DCAF5: variants seen among roughly 807,000 people sequenced by gnomAD.
DCAF5 encodes the protein DDB1- and CUL4-associated factor 5.
In DCAF5, 9 loss-of-function variants were observed where a neutral mutation model predicts 80.7. That is an observed-to-expected ratio of 0.11 (90% CI 0.07 to 0.19). The LOEUF is 0.19. Among genes scored for constraint, DCAF5 ranks in the 10% least tolerant of loss-of-function variants. The pLI, the probability that DCAF5 is intolerant of heterozygous loss-of-function variation, is 1.00. For missense variants in DCAF5, 842 were observed against 1,205.7 expected (o/e 0.70, Z 4.47); for synonymous variants, 433 against 461.9 (o/e 0.94, Z 0.80).
rs996463777 is a variant in DCAF5 at position 69,054,364 on chromosome 14, A to G, written c.2322T>C (p.Pro774=). Residue 774 remains proline, a synonymous_variant, in exon 9 of 9, where the codon CCT becomes CCC. Transcript: ENST00000341516. The part of the protein sequence containing the change: ...DTGNSGSVEH[P]FETKKLNGKA... Reference sequence around the variant, plus strand: ...TTCCATTGAGCTTCTTGGTTTCAAAAGGGTGCTCTACAGAGCCGCTATTGC... The same window carrying G: ...TTCCATTGAGCTTCTTGGTTTCAAAGGGGTGCTCTACAGAGCCGCTATTGC... 4 of 1,614,120 alleles carry G rather than the reference A, an allele frequency of 2.5e-6. No individual in the cohort carries two copies. Among genetic ancestry groups the G allele is most frequent in the Non-Finnish European group, 2.5e-6 (3 of 1,180,028 alleles).
At position 69,152,927 on chromosome 14, in the gene DCAF5, A is replaced by T. The variant is rs1219416377; in HGVS notation, c.52T>A (p.Leu18Met). 6.2e-7 allele frequency: 1 copy of T among 1,613,564 alleles called. No individual in the cohort carries two copies. The highest frequency in any genetic ancestry group is 1.1e-5 in the South Asian group (1 of 91,052). ...TCCCCATGCAAGCCCCGCTGGGACA[A>T]GAAGCCCACCACTGACCTCATGCTG... ...GGSMRSVVGF[L>M]SQRGLHGDPL... The change falls in exon 1 of 9, where the codon TTG becomes ATG. Residue 18 changes from leucine (L) to methionine (M), a missense_variant. Physicochemically the swap from Leu to Met is conservative, Grantham distance 15. Coordinates refer to ENST00000341516, the MANE Select transcript of DCAF5 (RefSeq NM_003861.3). The surrounding 1 kb of genome is among the most constrained non-coding windows in gnomAD (Gnocchi z 4.1).
intron 1 of DCAF5, chr14:69,143,917 T>C (rs1358025297): frequency 5.9e-5 from 9 of 152,428 alleles, no homozygotes; most frequent in Admixed American, 1.3e-4. Context: ...CTGGTTGTGA[T>C]CAATTAGTTG....
rs533499633 is a variant in DCAF5, at chr14:69,098,105, A to G, written c.666-6218T>C. Among the ~76,000 whole-genome samples the G allele has an allele frequency of 2.2e-4, 34 of 151,166 alleles. 1 individual carries two copies. The South Asian group carries it at 6.7e-3, about 30-fold the overall frequency. Reference sequence around the variant, plus strand: ...AGCAAGGCCCTAGACAATACCCCCTACCCTCATCCTTTATGTCTGTGACCC... The same window carrying G: ...AGCAAGGCCCTAGACAATACCCCCTGCCCTCATCCTTTATGTCTGTGACCC... On this transcript the variant is annotated intron_variant, in intron 5 of 8. Transcript: ENST00000341516.
intron 7 of DCAF5, among the ~76,000 whole-genome samples, chr14:69,064,959 T>A (rs988963133): frequency 6.6e-6 from 1 of 152,170 alleles, no homozygotes; most frequent in African/African-American, 2.4e-5. Flanking sequence ...CTAAAGTGCA[T>A]CAACCAAACC....
At chr14:69,077,927 G>C (rs2038962386) in intron 6 of DCAF5, among the ~76,000 whole-genome samples, 1 of 152,212 alleles carries the variant, frequency 6.6e-6, no homozygotes, top group South Asian at 2.1e-4. Context: ...AGTGGAAAAA[G>C]CAGTGGGCTC....
At chr14:69,140,460 T>G (rs891598685) in intron 1 of DCAF5, among the ~76,000 whole-genome samples, 2 of 152,196 alleles carry the variant, frequency 1.3e-5, no homozygotes, top group African/African-American at 4.8e-5. Flanking sequence ...ATTTAATTCT[T>G]ATTTATCATT....
intron 5 of DCAF5, 148 bp downstream of exon 5, chr14:69,116,217 TC>T (rs1046791634): frequency 3.3e-6 from 3 of 907,342 alleles, no homozygotes; most frequent in Middle Eastern, 3.2e-4. Context: ...GGAAACAAGC[TC>T]TCCTGGCTTG....
chr14:69,127,757 T>C (rs779830586), intron 1 of DCAF5, among the ~76,000 whole-genome samples: 1 of 152,180 alleles, frequency 6.6e-6, no homozygotes, highest in Non-Finnish European at 1.5e-5. Flanking sequence ...AAGGGGTACA[T>C]GGAAAACCTC....
chr14:69,076,468 G>A (rs2038902600), intron 6 of DCAF5, among the ~76,000 whole-genome samples: 1 of 152,170 alleles, frequency 6.6e-6, no homozygotes, highest in African/African-American at 2.4e-5. Flanking sequence ...TAAAAGGAAT[G>A]AAATTCTGAC....
At chr14:69,128,471 C>T (rs1248196573) in intron 1 of DCAF5, among the ~76,000 whole-genome samples, 1 of 152,158 alleles carries the variant, frequency 6.6e-6, no homozygotes, top group East Asian at 1.9e-4. Context: ...CAGGCGTGAG[C>T]CTGGCTGAAT....
intron 7 of DCAF5, among the ~76,000 whole-genome samples, chr14:69,067,620 C>T (rs1384302289): frequency 2.0e-5 from 3 of 151,864 alleles, no homozygotes; most frequent in Non-Finnish European, 4.4e-5. Context: ...GCTGGGATTA[C>T]AGGTGTGAGC....
At chr14:69,083,499 C>A in intron 6 of DCAF5, 1 of 333,966 alleles carries the variant, frequency 3.0e-6, no homozygotes, top group South Asian at 3.2e-5. Flanking sequence ...CAAATCTGAC[C>A]CTGTCCGAAA....
rs35853040 is a variant in DCAF5, at chr14:69,076,116, CA to C, written c.880-706del. On this transcript the variant is annotated intron_variant, in intron 6 of 8. Coordinates refer to ENST00000341516, the MANE Select transcript of DCAF5 (RefSeq NM_003861.3). ...TCACACCCATTAGGATGACTATTAC[CA>C]AAAAAAAAAAAAATTGACAAGTATT... is the stretch of plus-strand genomic sequence containing the variant. Among the ~76,000 whole-genome samples the C allele has an allele frequency of 5.1e-3, 701 of 137,064 alleles. 2 individuals carry two copies. Among genetic ancestry groups the C allele is most frequent in the African/African-American group, 7.5e-3 (282 of 37,634 alleles). 89.9% of individuals were successfully genotyped at this position (137,064 alleles called of 152,430 possible). A position where few individuals can be genotyped will look rare whatever the true frequency, so the allele number is the denominator to read the frequency against.
In DCAF5 at chr14:69,053,341, C is replaced by G. The variant is rs1359066594; in HGVS notation, c.*516G>C. The stretch of plus-strand genomic sequence containing the variant: ...TGGGCTGAAGGCCTGTTTCCATTCT[C>G]CATTCTTCCAGCATAAATCTACAAC... On this transcript the variant is annotated 3_prime_UTR_variant, in exon 9 of 9. Coordinates refer to ENST00000341516, the MANE Select transcript of DCAF5 (RefSeq NM_003861.3). The G allele has an allele frequency of 2.0e-5, 3 of 152,766 alleles. No individual in the cohort carries two copies. Among genetic ancestry groups the G allele is most frequent in the African/African-American group, 7.2e-5 (3 of 41,452 alleles). 9.5% of individuals were successfully genotyped at this position (152,766 alleles called of 1,614,324 possible).
intron 8 of DCAF5, among the ~76,000 whole-genome samples, chr14:69,060,438 T>C (rs1489931822): frequency 1.3e-5 from 2 of 152,128 alleles, no homozygotes; most frequent in East Asian, 1.9e-4. Context: ...TGTGCTGCAA[T>C]GAAAGTCAGC....
intron 2 of DCAF5, among the ~76,000 whole-genome samples, chr14:69,119,672 A>C (rs1326310145): frequency 6.7e-6 from 1 of 150,082 alleles, no homozygotes; most frequent in Admixed American, 6.7e-5. Context: ...CTACGATCGC[A>C]CTCCAGCCTG....
At chr14:69,083,622 A>C in intron 6 of DCAF5, 2 of 554,232 alleles carry the variant, frequency 3.6e-6, no homozygotes, top group Non-Finnish European at 6.8e-6. Context: ...TGTCTCAAGA[A>C]GCAGTGGAAA....
chr14:69,064,038 G>C (rs1206231568), intron 7 of DCAF5, among the ~76,000 whole-genome samples: 1 of 152,190 alleles, frequency 6.6e-6, no homozygotes, highest in Non-Finnish European at 1.5e-5. Context: ...TGGAGAAAGA[G>C]GACAAGGAAA....
At chr14:69,057,573 C>A (rs2139832946) in intron 8 of DCAF5, among the ~76,000 whole-genome samples, 1 of 152,310 alleles carries the variant, frequency 6.6e-6, no homozygotes, top group East Asian at 1.9e-4. Context: ...TACTACCCAG[C>A]TCCTACATTT....
Sources: gnomAD v4.1 joint callset for allele counts (sites outside exome capture counted in the v4.1 genomes callset) on GRCh38, gnomAD v4.1.1 for gene constraint, Gnocchi (gnomAD v3.1) non-coding constraint, MANE v1.5 for transcripts, NCBI Gene and HGNC (gene_info 2026-07-23, HGNC 2026-07-21) for gene names.